ITGA7: variants seen among roughly 807,000 people sequenced by gnomAD.
The protein encoded by ITGA7 is integrin subunit alpha 7.
In ITGA7, 84 loss-of-function variants were observed where a neutral mutation model predicts 131.6. The observed-to-expected ratio is 0.64, with a 90% CI of 0.54 to 0.77. ITGA7 has a LOEUF of 0.77. ITGA7 is among the 30% of genes least tolerant of loss of function. ITGA7 has a pLI of 0.00. For missense variants in ITGA7, 1,399 were observed against 1,482.9 expected (o/e 0.94, Z 0.93); for synonymous variants, 548 against 600.7 (o/e 0.91, Z 1.28).
intron 21 of ITGA7, 134 bp downstream of exon 21, chr12:55,692,710 G>T: frequency 8.5e-7 from 1 of 1,175,962 alleles, no homozygotes; most frequent in Non-Finnish European, 1.2e-6. Context: ...TGCCTCCCGG[G>T]CACCCCCTCC....
upstream of ITGA7, chr12:55,715,873 T>C (rs1349263316): frequency 6.7e-6 from 5 of 742,292 alleles, no homozygotes; most frequent in Non-Finnish European, 1.0e-5. Context: ...TGTTAAAAAC[T>C]GGCTTGGCAA....
At chr12:55,693,367 T>A in intron 19 of ITGA7, 50 bp from the exon 20 acceptor site, 1 of 1,524,844 alleles carries the variant, frequency 6.6e-7, no homozygotes, top group East Asian at 2.3e-5. Context: ...TTTCTTTTTT[T>A]TTTTTTTTTA....
chr12:55,691,902 C>T (rs747967501), intron 21 of ITGA7, among the ~76,000 whole-genome samples: 2 of 152,152 alleles, frequency 1.3e-5, no homozygotes, highest in African/African-American at 2.4e-5. Context: ...TACAATCAAG[C>T]CAAAGACCTC....
intron 21 of ITGA7, among the ~76,000 whole-genome samples, chr12:55,690,102 A>G (rs537794429): frequency 1.3e-4 from 20 of 152,320 alleles, no homozygotes; most frequent in African/African-American, 4.6e-4. Flanking sequence ...AATGGCAACA[A>G]AAGCCAAAAT....
chr12:55,693,870 T>C, intron 19 of ITGA7, 151 bp downstream of exon 19: 1 of 689,040 alleles, frequency 1.5e-6, no homozygotes, highest in Non-Finnish European at 2.6e-6. Context: ...AGGAACACCT[T>C]CCCACAGCCA....
Position 55,693,173 on chromosome 12 carries a change from G to T in ITGA7, c.2680C>A (p.Leu894Ile). ...AGGATGTTGGGCCTGGGAGAGCAAA[G>T]CCCTTTCTGCCCAGGCCCCTGCCCG... ...EGGQGPGQKG[L>I]CSPRPNILHL... The change falls in exon 20 of 25, where the codon CTT (leucine) becomes ATT (isoleucine). Residue 894 changes from leucine to isoleucine, a missense_variant. Physicochemically the swap from Leu to Ile is conservative, Grantham distance 5 (BLOSUM62 2). Coordinates refer to ENST00000257879, the MANE Select transcript of ITGA7 (RefSeq NM_002206.3). 1.9e-6 allele frequency: 3 copies of T among 1,613,922 alleles called. No individual in the cohort carries two copies. The highest frequency in any genetic ancestry group is 2.5e-6 in the Non-Finnish European group (3 of 1,179,982).
At position 55,697,201 on chromosome 12, in the gene ITGA7, G is replaced by A. The variant is rs1280672631; in HGVS notation, c.1567+15C>T. On this transcript the variant is annotated intron_variant, in intron 11 of 24. Transcript: ENST00000257879. ...AACCCAAAAGGGCGAGCCACAGAGG[G>A]GGGACCGCACTCACCCACAGTAGGG... The A allele has an allele frequency of 3.1e-6, 5 of 1,592,048 alleles. No homozygotes were observed. The African/African-American group carries it at 5.4e-5, about 17-fold the overall frequency.
chr12:55,706,407 T>C (rs1171828630), intron 1 of ITGA7, among the ~76,000 whole-genome samples: 1 of 152,186 alleles, frequency 6.6e-6, no homozygotes, highest in African/African-American at 2.4e-5. Context: ...AAATGAGCTC[T>C]TGTCCCTGCC....
At chr12:55,698,254 C>T in intron 7 of ITGA7, 129 bp downstream of exon 7, 3 of 953,730 alleles carry the variant, frequency 3.1e-6, no homozygotes, top group Admixed American at 5.3e-5. Flanking sequence ...GTAAATGGTA[C>T]AGCTCAGACA....
At chr12:55,695,927 C>T (rs893390393) in intron 13 of ITGA7, among the ~76,000 whole-genome samples, 4 of 151,862 alleles carry the variant, frequency 2.6e-5, no homozygotes, top group East Asian at 1.9e-4. Flanking sequence ...GGATTTAGAA[C>T]GGGAAAAGAT....
upstream of ITGA7, chr12:55,712,484 G>A (rs1325946196): frequency 1.7e-6 from 1 of 581,406 alleles, no homozygotes; most frequent in African/African-American, 1.9e-5. Flanking sequence ...AGTCAGTTTG[G>A]AGCTTGCTAA....
intron 5 of ITGA7, chr12:55,699,545 C>A: frequency 2.4e-6 from 1 of 417,170 alleles, no homozygotes; most frequent in East Asian, 5.1e-5. Context: ...TATGTGCCCA[C>A]CATCCATCCC....
chr12:55,698,125 T>G, intron 7 of ITGA7, 99 bp from the exon 8 acceptor site: 1 of 1,171,146 alleles, frequency 8.5e-7, no homozygotes, highest in South Asian at 1.2e-5. Context: ...GTTTTCTATT[T>G]TATTGAGAGG....
intron 1 of ITGA7, among the ~76,000 whole-genome samples, chr12:55,704,988 T>C (rs777735349): frequency 3.3e-5 from 5 of 152,188 alleles, no homozygotes; most frequent in Non-Finnish European, 7.4e-5. Context: ...GCTTGCCCCA[T>C]AGGGAGTGTC....
At chr12:55,704,673 T>A (rs1874812285) in intron 1 of ITGA7, among the ~76,000 whole-genome samples, 1 of 152,230 alleles carries the variant, frequency 6.6e-6, no homozygotes, top group African/African-American at 2.4e-5. Context: ...TCTTTTCTTG[T>A]CTTTCAGATG....
chr12:55,705,302 T>C (rs1416376538), intron 1 of ITGA7, among the ~76,000 whole-genome samples: 1 of 151,836 alleles, frequency 6.6e-6, no homozygotes, highest in Non-Finnish European at 1.5e-5. Context: ...CCTTCCTGGC[T>C]TCATGCCATA....
intron 19 of ITGA7, 42 bp from the exon 20 acceptor site, chr12:55,693,359 T>C (rs1871898361): frequency 6.6e-7 from 1 of 1,519,250 alleles, no homozygotes; most frequent in Non-Finnish European, 9.0e-7. Context: ...CCTCAGTTTT[T>C]CTTTTTTTTT....
chr12:55,695,394 G>T, intron 14 of ITGA7, 128 bp downstream of exon 14: 1 of 713,486 alleles, frequency 1.4e-6, no homozygotes. Context: ...CCATCGGCAG[G>T]TCCTCTTCCA....
At position 55,707,695 on chromosome 12, in the gene ITGA7, G is replaced by T; in HGVS notation, c.-13C>A. ...GAGCCCCGGCCATGGGACGATCCCT[G>T]CGCGAGCTCCCAGCGAATGCAAGGG... On this transcript the variant is annotated 5_prime_UTR_variant, in exon 1 of 25. Transcript: ENST00000257879. The T allele has an allele frequency of 6.4e-7, 1 of 1,561,692 alleles. No homozygotes were observed. The highest frequency in any genetic ancestry group is 1.4e-5 in the African/African-American group (1 of 73,594).
Sources: allele counts gnomAD v4.1 joint callset (sites outside exome capture counted in the v4.1 genomes callset), GRCh38; gene constraint gnomAD v4.1.1; transcripts MANE v1.5; gene names NCBI Gene and HGNC (gene_info 2026-07-23, HGNC 2026-07-21).